Variants in GZMA observed in about 807,000 individuals in gnomAD.
The protein encoded by GZMA is granzyme A.
A neutral mutation model predicts 21.1 loss-of-function variants in GZMA; 17 were observed. The ratio of observed to expected loss-of-function variants is 0.81; its 90% CI spans 0.55 to 1.21. The LOEUF is 1.21. Ranked by LOEUF, GZMA falls within the 50% of genes most tolerant of loss-of-function variation. The probability of loss-of-function intolerance (pLI) is 0.00; values close to 1 mark genes in which losing one functional copy is unlikely to be tolerated. For synonymous variants in GZMA, 90 were observed against 107.8 expected, an observed-to-expected ratio of 0.83 and a Z score of 1.03; for missense variants, 306 against 315.9, an observed-to-expected ratio of 0.97 and a Z score of 0.24.
intron 4 of GZMA, among the ~76,000 whole-genome samples, chr5:55,109,664 T>C (rs895633996): frequency 6.6e-6 from 1 of 152,246 alleles, no homozygotes; most frequent in Non-Finnish European, 1.5e-5. Context: ...GTTTATTCTT[T>C]GCTTCAATGT....
At chr5:55,107,987 G>A in intron 3 of GZMA, 52 bp downstream of exon 3, 1 of 1,543,042 alleles carries the variant, frequency 6.5e-7, no homozygotes, top group Non-Finnish European at 8.9e-7. Flanking sequence ...CTACAATCTG[G>A]CCGCCGACGT....
chr5:55,107,227 A>G (rs560963570), intron 2 of GZMA, among the ~76,000 whole-genome samples: 1 of 152,234 alleles, frequency 6.6e-6, no homozygotes, highest in African/African-American at 2.4e-5. Context: ...TAAGAGAAAA[A>G]AAGACTCCTG....
chr5:55,108,070 T>C, intron 3 of GZMA, 55 bp from the exon 4 acceptor site: 7 of 1,450,612 alleles, frequency 4.8e-6, no homozygotes, highest in Non-Finnish European at 6.6e-6. Flanking sequence ...GACTATAATT[T>C]AAAATGTAAA....
intron 1 of GZMA, among the ~76,000 whole-genome samples, chr5:55,102,987 C>A (rs1362422778): frequency 6.6e-6 from 1 of 151,820 alleles, no homozygotes; most frequent in Non-Finnish European, 1.5e-5. Context: ...CATAGTGAGA[C>A]CCTGTCTCTA....
rs2270627 is a variant in GZMA, at chr5:55,108,225, G to T, written c.458G>T (p.Trp153Leu). ...GGAACCATGTGCCAAGTTGCAGGGT[G>T]GGGCAGGACTCACAATAGTGCATCT... ...KPGTMCQVAG[W>L]GRTHNSASWS... Residue 153 changes from tryptophan to leucine, a missense_variant, in exon 4 of 5, where the codon TGG becomes TTG. Coordinates refer to ENST00000274306, the MANE Select transcript of GZMA (RefSeq NM_006144.4). 3,521 of 1,613,670 alleles carry T rather than the reference G, an allele frequency of 2.2e-3. 138 individuals are homozygous for T. The East Asian group carries it at 0.069, about 32-fold the overall frequency.
At chr5:55,109,969 G>A in intron 4 of GZMA, 52 bp from the exon 5 acceptor site, 1 of 1,340,696 alleles carries the variant, frequency 7.5e-7, no homozygotes, top group Non-Finnish European at 9.8e-7. Flanking sequence ...CATTTCACTA[G>A]TGGTAATGCT....
At chr5:55,105,207 G>A (rs1189361323) in intron 1 of GZMA, among the ~76,000 whole-genome samples, 1 of 152,186 alleles carries the variant, frequency 6.6e-6, no homozygotes, top group Non-Finnish European at 1.5e-5. Flanking sequence ...TGGGGCCTGA[G>A]GTTGCTGGTT....
At chr5:55,107,412 T>C (rs1278487224) in intron 2 of GZMA, among the ~76,000 whole-genome samples, 4 of 152,226 alleles carry the variant, frequency 2.6e-5, no homozygotes, top group Admixed American at 2.6e-4. Flanking sequence ...GGCTGCTTTT[T>C]GCTTCTGTCT....
intron 4 of GZMA, among the ~76,000 whole-genome samples, chr5:55,108,847 T>C (rs915908213): frequency 6.6e-6 from 1 of 152,184 alleles, no homozygotes; most frequent in Non-Finnish European, 1.5e-5. Flanking sequence ...CTGTCAAGCC[T>C]GGCTGAATAT....
At chr5:55,109,985 C>T (rs1742473366) in intron 4 of GZMA, 36 bp from the exon 5 acceptor site, 2 of 1,491,220 alleles carry the variant, frequency 1.3e-6, no homozygotes, top group Non-Finnish European at 1.8e-6. Flanking sequence ...ATGCTGAACA[C>T]TGACCCCACA....
At chr5:55,103,052 G>A (rs201588877) in intron 1 of GZMA, among the ~76,000 whole-genome samples, 5 of 150,944 alleles carry the variant, frequency 3.3e-5, no homozygotes, top group Non-Finnish European at 2.9e-5. Flanking sequence ...CTGTATTTTA[G>A]AAAAAAAAAT....
chr5:55,103,183 GT>G (rs1405422126), intron 1 of GZMA, among the ~76,000 whole-genome samples: 1 of 152,140 alleles, frequency 6.6e-6, no homozygotes, highest in Non-Finnish European at 1.5e-5. Flanking sequence ...AAACTCTCTT[GT>G]TCGTAAAACA....
At chr5:55,107,769 T>C in intron 2 of GZMA, 25 bp from the exon 3 acceptor site, 1 of 1,598,714 alleles carries the variant, frequency 6.3e-7, no homozygotes, top group South Asian at 1.1e-5. Flanking sequence ...ATAAATCCAG[T>C]AAATAATGTT....
At chr5:55,109,937 T>A in intron 4 of GZMA, 84 bp from the exon 5 acceptor site, 1 of 1,027,296 alleles carries the variant, frequency 9.7e-7, no homozygotes, top group South Asian at 2.8e-5. Context: ...TAACTGCATA[T>A]TAAATGCTGC....
At chr5:55,107,533 A>G (rs931890333) in intron 2 of GZMA, among the ~76,000 whole-genome samples, 5 of 152,232 alleles carry the variant, frequency 3.3e-5, no homozygotes, top group Non-Finnish European at 7.3e-5. Context: ...CTTTGCTGCC[A>G]TGGAATTCTC....
chr5:55,107,936 G>A lies in GZMA; in HGVS notation c.357+1G>A. 6.2e-7 allele frequency: 1 copy of A among 1,611,488 alleles called. No homozygotes were observed. Among genetic ancestry groups the A allele is most frequent in the Non-Finnish European group, 8.5e-7 (1 of 1,178,044 alleles). ...CGAAGGTGACCTTAAACTTTTACAG[G>A]TACGTATCTTTGATTGTCTTCTCAA... On this transcript the variant is annotated splice_donor_variant, in intron 3 of 4. Transcript: ENST00000274306. LOFTEE classifies it high-confidence loss of function.
At chr5:55,104,042 A>G (rs1047008255) in intron 1 of GZMA, among the ~76,000 whole-genome samples, 6 of 152,240 alleles carry the variant, frequency 3.9e-5, no homozygotes, top group African/African-American at 1.4e-4. Flanking sequence ...GAGAAGAAAT[A>G]TAAAAATAAC....
chr5:55,105,680 T>C (rs1742375305), intron 2 of GZMA, 62 bp downstream of exon 2: 9 of 1,439,820 alleles, frequency 6.3e-6, no homozygotes, highest in Non-Finnish European at 6.8e-6. Flanking sequence ...GAAACATTAA[T>C]AAAAAGAGTA....
chr5:55,109,931 T>C lies in GZMA; in HGVS notation c.628-90T>C, dbSNP rs1580330329. On this transcript the variant is annotated intron_variant, in intron 4 of 4. Coordinates refer to ENST00000274306, the MANE Select transcript of GZMA (RefSeq NM_006144.4). ...CAATTAAGTCAAGGTTGGTCTTAAC[T>C]GCATATTAAATGCTGCAGAATTTCT... The C allele has an allele frequency of 4.4e-6, 4 of 903,188 alleles. No homozygotes were observed. The East Asian group carries it at 1.1e-4, about 26-fold the overall frequency. 55.9% of individuals were successfully genotyped at this position (903,188 alleles called of 1,614,324 possible).
Sources: gnomAD v4.1 joint callset for allele counts (sites outside exome capture counted in the v4.1 genomes callset) on GRCh38, gnomAD v4.1.1 for gene constraint, MANE v1.5 for transcripts, NCBI Gene and HGNC (gene_info 2026-07-23, HGNC 2026-07-21) for gene names.